Variants in CTNNA2 observed in about 807,000 individuals in gnomAD.
CTNNA2 encodes catenin alpha 2.
CTNNA2 carries 42 observed loss-of-function variants against 101.0 expected under a neutral mutation model. That is an observed-to-expected ratio of 0.42 (90% CI 0.32 to 0.54). CTNNA2 has a LOEUF of 0.54. Among genes scored for constraint, CTNNA2 ranks in the 20% least tolerant of loss-of-function variants. The pLI is 0.14. For synonymous variants in CTNNA2, 450 were observed against 456.4 expected, an observed-to-expected ratio of 0.99 and a Z score of 0.18; for missense variants, 871 against 1,223.1, an observed-to-expected ratio of 0.71 and a Z score of 4.29.
At chr2:80,002,680 C>A (rs1693033548) in intron 7 of CTNNA2, among the ~76,000 whole-genome samples, 1 of 152,076 alleles carries the variant, frequency 6.6e-6, no homozygotes, top group Admixed American at 6.5e-5. Flanking sequence ...AGTGCTGACA[C>A]CAACAAGCTC....
intron 7 of CTNNA2, among the ~76,000 whole-genome samples, chr2:79,910,032 C>T (rs1226477593): frequency 6.6e-6 from 1 of 152,104 alleles, no homozygotes; most frequent in Non-Finnish European, 1.5e-5. Context: ...AGCTCTTTCA[C>T]TTTTTACTTG....
chr2:79,602,496 T>C (rs1677612554), intron 1 of CTNNA2, among the ~76,000 whole-genome samples: 1 of 152,200 alleles, frequency 6.6e-6, no homozygotes, highest in Non-Finnish European at 1.5e-5. Context: ...CTCATCACTG[T>C]ACTTGATATT....
At chr2:79,497,761 C>T (rs777998348) in intron 4 of CTNNA2, among the ~76,000 whole-genome samples, 1 of 152,264 alleles carries the variant, frequency 6.6e-6, no homozygotes, top group East Asian at 1.9e-4. Context: ...CCTTTTGTTT[C>T]GTCTAAGCAA....
intron 7 of CTNNA2, among the ~76,000 whole-genome samples, chr2:79,913,108 G>A (rs1371868626): frequency 2.6e-5 from 4 of 152,188 alleles, no homozygotes; most frequent in Non-Finnish European, 5.9e-5. Flanking sequence ...GGAGGAGACA[G>A]ACAGTAAATA....
chr2:80,630,751 T>A, intron 18 of CTNNA2, among the ~76,000 whole-genome samples: 1 of 152,204 alleles, frequency 6.6e-6, no homozygotes, highest in East Asian at 1.9e-4. Context: ...ATAATCATTT[T>A]AATAATGTTA....
chr2:79,751,602 A>G (rs1322294620), intron 3 of CTNNA2, among the ~76,000 whole-genome samples: 1 of 150,846 alleles, frequency 6.6e-6, no homozygotes, highest in African/African-American at 2.4e-5. Flanking sequence ...TCAAAAAAAA[A>G]AAAAAAAAAA....
intron 9 of CTNNA2, among the ~76,000 whole-genome samples, chr2:80,437,585 A>G (rs1352256521): frequency 6.6e-6 from 1 of 152,162 alleles, no homozygotes; most frequent in African/African-American, 2.4e-5. Flanking sequence ...ACCGAGTCTA[A>G]TTATTTATTT....
At chr2:79,597,823 C>T (rs943570212) in intron 1 of CTNNA2, among the ~76,000 whole-genome samples, 4 of 152,164 alleles carry the variant, frequency 2.6e-5, no homozygotes, top group African/African-American at 9.7e-5. Flanking sequence ...TTAGGGTTCA[C>T]TCTTGATGGT....
intron 18 of CTNNA2, among the ~76,000 whole-genome samples, chr2:80,630,540 G>A (rs539764301): frequency 6.6e-6 from 1 of 152,264 alleles, no homozygotes; most frequent in Admixed American, 6.5e-5. Context: ...GGGAGACTGA[G>A]GCAGGAGAAT....
intron 8 of CTNNA2, among the ~76,000 whole-genome samples, chr2:80,402,660 CT>C (rs1678660303): frequency 1.3e-5 from 2 of 151,694 alleles, no homozygotes; most frequent in African/African-American, 4.8e-5. Flanking sequence ...CCTAGTACCC[CT>C]TATCTACAAG....
At chr2:80,153,885 G>A (rs904872337) in intron 7 of CTNNA2, among the ~76,000 whole-genome samples, 18 of 152,138 alleles carry the variant, frequency 1.2e-4, no homozygotes, top group African/African-American at 4.3e-4. Flanking sequence ...AAATATGAGA[G>A]TGAATATAGT....
At chr2:79,243,199 G>A (rs1332164264) in intron 2 of CTNNA2, among the ~76,000 whole-genome samples, 2 of 152,174 alleles carry the variant, frequency 1.3e-5, no homozygotes, top group East Asian at 3.9e-4. Flanking sequence ...AGTCAGGGAA[G>A]CTGACTGTAG....
At chr2:80,089,172 T>A (rs569624200) in intron 7 of CTNNA2, among the ~76,000 whole-genome samples, 2 of 152,088 alleles carry the variant, frequency 1.3e-5, no homozygotes, top group East Asian at 3.9e-4. Flanking sequence ...ATTTTCCTGG[T>A]GGGGGCTTCC....
At position 80,445,862 on chromosome 2, in the gene CTNNA2, G is replaced by A. The variant is rs903052927; in HGVS notation, c.1290+26261G>A. Among the ~76,000 whole-genome samples, 8 of 152,256 alleles carry A rather than the reference G, an allele frequency of 5.3e-5. No individual in the cohort carries two copies. The Middle Eastern group carries it at 0.01, about 194-fold the overall frequency. ...AAGTGAGCTGGCTAAGCATGTAGCCGTCAAGATCAGGTGCCCTAGTTTCAA... is the reference window on the plus strand; with the variant it reads ...AAGTGAGCTGGCTAAGCATGTAGCCATCAAGATCAGGTGCCCTAGTTTCAA... On this transcript the variant is annotated intron_variant, in intron 9 of 18. Coordinates refer to ENST00000402739, the MANE Select transcript of CTNNA2 (RefSeq NM_001282597.3).
chr2:80,303,574 G>A lies in CTNNA2; in HGVS notation c.1057-89637G>A, dbSNP rs751884495. On this transcript the variant is annotated intron_variant, in intron 7 of 18. Coordinates refer to ENST00000402739, the MANE Select transcript of CTNNA2 (RefSeq NM_001282597.3). This position sits in a 1 kb window ranked among gnomAD's most constrained non-coding sequence, Gnocchi z 7.7. ...GCTGCATTAACCCCGTGAACTGGCCGGCGCGCAGCTCCGAGAGGCTGTTGT... is the reference window on the plus strand; with the variant it reads ...GCTGCATTAACCCCGTGAACTGGCCAGCGCGCAGCTCCGAGAGGCTGTTGT... 11 of 1,614,230 alleles carry A rather than the reference G, an allele frequency of 6.8e-6. No homozygotes were observed. The highest frequency in any genetic ancestry group is 9.3e-6 in the Non-Finnish European group (11 of 1,180,044).
chr2:80,545,802 T>C (rs895914371), intron 10 of CTNNA2, 105 bp from the exon 11 acceptor site: 11 of 1,090,172 alleles, frequency 1.0e-5, no homozygotes, highest in Admixed American at 2.8e-5. Context: ...AACCCACTTA[T>C]CTGTAGAACG....
rs573867134 is a variant in CTNNA2 at position 80,146,090 on chromosome 2, A to G, written c.1056+236293A>G. Among the ~76,000 whole-genome samples the G allele has an allele frequency of 3.9e-5, 6 of 152,308 alleles. No individual in the cohort carries two copies. The South Asian group carries it at 1.2e-3, about 32-fold the overall frequency. On this transcript the variant is annotated intron_variant, in intron 7 of 18. Coordinates refer to ENST00000402739, the MANE Select transcript of CTNNA2 (RefSeq NM_001282597.3). The stretch of plus-strand genomic sequence containing the variant: ...CTTGGAATATCATTGCAATGCTGTG[A>G]AAACCTCAAGCCATGCAGAGGAGCA...
At chr2:79,860,224 C>T (rs548274786) in intron 4 of CTNNA2, among the ~76,000 whole-genome samples, 9 of 152,188 alleles carry the variant, frequency 5.9e-5, no homozygotes, top group Non-Finnish European at 1.0e-4. Context: ...TCCTTTACCC[C>T]AGCAAGGAAA....
chr2:80,035,653 G>T (rs540290752), intron 7 of CTNNA2, among the ~76,000 whole-genome samples: 1 of 152,152 alleles, frequency 6.6e-6, no homozygotes, highest in African/African-American at 2.4e-5. Context: ...GACCATTAAG[G>T]CTCCATCTGA....
Sources: gnomAD v4.1 joint callset for allele counts (sites outside exome capture counted in the v4.1 genomes callset) on GRCh38, gnomAD v4.1.1 for gene constraint, Gnocchi (gnomAD v3.1) non-coding constraint, MANE v1.5 for transcripts, NCBI Gene and HGNC (gene_info 2026-07-23, HGNC 2026-07-21) for gene names.